Variants in NRG1 observed in about 807,000 individuals in gnomAD.
NRG1 encodes the protein neuregulin 1, also known as pro-neuregulin-1, membrane-bound isoform.
In NRG1, 18 loss-of-function variants were observed where a neutral mutation model predicts 63.8. The ratio of observed to expected loss-of-function variants is 0.28; its 90% confidence interval spans 0.19 to 0.42. The LOEUF is 0.42. NRG1 is among the 10% of genes least tolerant of loss of function. NRG1 has a pLI of 1.00. For synonymous variants in NRG1, 302 were observed against 301.3 expected (o/e 1.00, Z -0.02); for missense variants, 762 against 814.7 (o/e 0.94, Z 0.79).
intron 1 of NRG1, among the ~76,000 whole-genome samples, chr8:32,573,316 G>C (rs1838987748): frequency 6.6e-6 from 1 of 152,220 alleles, no homozygotes; most frequent in Non-Finnish European, 1.5e-5. Flanking sequence ...TGCAGTTGTA[G>C]CACAAAAGTA....
chr8:31,835,335 A>G (rs1825592840), intron 1 of NRG1, among the ~76,000 whole-genome samples: 1 of 152,206 alleles, frequency 6.6e-6, no homozygotes, highest in South Asian at 2.1e-4. Context: ...CATGGCCTCT[A>G]GAATCTCGTC....
intron 1 of NRG1, among the ~76,000 whole-genome samples, chr8:31,791,968 G>A (rs149217101): frequency 2.6e-5 from 4 of 152,108 alleles, no homozygotes; most frequent in African/African-American, 7.2e-5. Flanking sequence ...TAGCTCCTTG[G>A]TTGGCTCCAA....
chr8:32,141,639 A>G (rs1275487897), intron 1 of NRG1, among the ~76,000 whole-genome samples: 2 of 130,730 alleles, frequency 1.5e-5, no homozygotes, highest in East Asian at 4.5e-4. Flanking sequence ...TGAATGATGC[A>G]TGGAGAGATA....
intron 7 of NRG1, among the ~76,000 whole-genome samples, chr8:32,744,092 A>G (rs1039455694): frequency 1.3e-5 from 2 of 152,142 alleles, no homozygotes; most frequent in Non-Finnish European, 2.9e-5. Flanking sequence ...TTCACCTAAC[A>G]TAAGAAACAG....
chr8:32,040,766 T>TATATATATATATATATATATAC (rs1819891092), intron 1 of NRG1, among the ~76,000 whole-genome samples: 2 of 129,640 alleles, frequency 1.5e-5, no homozygotes, highest in South Asian at 4.7e-4. Flanking sequence ...TATATATATA[T>TATATATATATATATATATATAC]ATGCGCCTAA....
At chr8:32,528,456 T>C (rs1253323205) in intron 1 of NRG1, among the ~76,000 whole-genome samples, 1 of 152,188 alleles carries the variant, frequency 6.6e-6, no homozygotes, top group Non-Finnish European at 1.5e-5. Flanking sequence ...AGCATCTAGT[T>C]TATTGAGTAG....
At chr8:32,085,731 C>T (rs1284278186) in intron 1 of NRG1, among the ~76,000 whole-genome samples, 2 of 152,126 alleles carry the variant, frequency 1.3e-5, no homozygotes, top group Non-Finnish European at 2.9e-5. Flanking sequence ...CATACCTCAC[C>T]TGGGATTATA....
At chr8:32,738,144 T>A (rs2129033088) in intron 6 of NRG1, among the ~76,000 whole-genome samples, 1 of 152,192 alleles carries the variant, frequency 6.6e-6, no homozygotes, top group Non-Finnish European at 1.5e-5. Flanking sequence ...GTGATCAGTG[T>A]GTCACAGATC....
chr8:32,045,990 A>T (rs1563720654), intron 1 of NRG1, among the ~76,000 whole-genome samples: 1 of 152,092 alleles, frequency 6.6e-6, no homozygotes, highest in Non-Finnish European at 1.5e-5. Flanking sequence ...AGACACTATA[A>T]GAGAGTGAAA....
chr8:32,237,966 A>G (rs1847735685), intron 1 of NRG1, among the ~76,000 whole-genome samples: 1 of 152,184 alleles, frequency 6.6e-6, no homozygotes. Flanking sequence ...TATCCATGGA[A>G]AAAATAAACA....
chr8:31,843,874 G>A (rs914083883), intron 1 of NRG1, among the ~76,000 whole-genome samples: 1 of 152,150 alleles, frequency 6.6e-6, no homozygotes, highest in Non-Finnish European at 1.5e-5. Context: ...ATAGGTCATT[G>A]TCAATGTGGT....
chr8:32,771,979 C>T (rs561149952), downstream of NRG1, among the ~76,000 whole-genome samples: 177 of 133,776 alleles, frequency 1.3e-3, no homozygotes, highest in Non-Finnish European at 2.3e-3. Context: ...GTTGAGATCA[C>T]GCCATTGCAC....
intron 1 of NRG1, among the ~76,000 whole-genome samples, chr8:31,969,522 T>G (rs1443718857): frequency 6.6e-6 from 1 of 152,196 alleles, no homozygotes; most frequent in East Asian, 1.9e-4. Context: ...ACATTCCACC[T>G]GAGCACTCCT....
chr8:32,069,691 A>T (rs1248359575), intron 1 of NRG1, among the ~76,000 whole-genome samples: 1 of 152,170 alleles, frequency 6.6e-6, no homozygotes, highest in Non-Finnish European at 1.5e-5. Flanking sequence ...ACTAGCATCA[A>T]CCCATGATAG....
chr8:31,782,829 G>A (rs1819820789), intron 1 of NRG1, among the ~76,000 whole-genome samples: 2 of 152,140 alleles, frequency 1.3e-5, no homozygotes, highest in Admixed American at 1.3e-4. Flanking sequence ...GTGTCCGACA[G>A]GCTCACATAC....
At chr8:32,592,078 A>G (rs1452378328) in intron 1 of NRG1, among the ~76,000 whole-genome samples, 1 of 151,774 alleles carries the variant, frequency 6.6e-6, no homozygotes, top group East Asian at 1.9e-4. Flanking sequence ...AGAAAGGCAG[A>G]AAATCAGAGA....
intron 1 of NRG1, among the ~76,000 whole-genome samples, chr8:31,699,282 G>T (rs1262033669): frequency 6.6e-6 from 1 of 151,942 alleles, no homozygotes; most frequent in Non-Finnish European, 1.5e-5. Flanking sequence ...CCTCTTTACA[G>T]AGCCCTTTTA....
intron 1 of NRG1, among the ~76,000 whole-genome samples, chr8:31,963,794 T>A (rs117977235): frequency 6.6e-6 from 1 of 152,288 alleles, no homozygotes; most frequent in East Asian, 1.9e-4. Flanking sequence ...GCTTTTCTTG[T>A]ACTTTCCGCT....
intron 1 of NRG1, among the ~76,000 whole-genome samples, chr8:31,741,119 A>G (rs1330139013): frequency 6.6e-6 from 1 of 152,070 alleles, no homozygotes; most frequent in Non-Finnish European, 1.5e-5. Context: ...ACACAAGAAC[A>G]GAAAACCAAA....
Sources: gnomAD v4.1 joint callset for allele counts (sites outside exome capture counted in the v4.1 genomes callset) on GRCh38, gnomAD v4.1.1 for gene constraint, MANE v1.5 for transcripts, NCBI Gene and HGNC (gene_info 2026-07-23, HGNC 2026-07-21) for gene names.